IVD: variants seen among roughly 807,000 people sequenced by gnomAD.
IVD encodes isovaleryl-CoA dehydrogenase, also known as isovaleryl-CoA dehydrogenase, mitochondrial.
In IVD, 31 loss-of-function variants were observed where a neutral mutation model predicts 51.3. That is an observed-to-expected ratio of 0.60 (90% CI 0.45 to 0.81). The LOEUF (loss-of-function observed/expected upper bound fraction) is 0.81. Ranked by LOEUF, IVD falls within the 40% of genes least tolerant of loss-of-function variation. The probability of loss-of-function intolerance (pLI) is 0.00; values close to 1 mark genes in which losing one functional copy is unlikely to be tolerated. For synonymous variants in IVD, 205 were observed against 219.4 expected (o/e 0.93, Z 0.58); for missense variants, 475 against 552.0 (o/e 0.86, Z 1.40).
At chr15:40,417,984 CCA>C in intron 11 of IVD, 144 bp from the exon 12 acceptor site, 3 of 1,151,400 alleles carry the variant, frequency 2.6e-6, no homozygotes, top group East Asian at 2.6e-5. Context: ...AGTGTATTCC[CCA>C]CACCCCTCCC....
downstream of IVD, among the ~76,000 whole-genome samples, chr15:40,422,946 G>A (rs1892444588): frequency 6.6e-6 from 1 of 151,524 alleles, no homozygotes; most frequent in Non-Finnish European, 1.5e-5. Context: ...TTTTGAGACA[G>A]GATCTCACTC....
chr15:40,422,423 A>G (rs1185961701), downstream of IVD, among the ~76,000 whole-genome samples: 3 of 151,404 alleles, frequency 2.0e-5, no homozygotes, highest in African/African-American at 4.9e-5. Flanking sequence ...AGCTGGGACT[A>G]CAAGCGCCCG....
chr15:40,413,131 TC>T (rs1485991202), intron 7 of IVD, 44 bp downstream of exon 7: 3 of 1,455,020 alleles, frequency 2.1e-6, no homozygotes, highest in Non-Finnish European at 2.9e-6. Flanking sequence ...CTGACCCCCT[TC>T]CAGGCTGATC....
At position 40,418,342 on chromosome 15, in the gene IVD, G is replaced by A; in HGVS notation, c.*79G>A. 6.2e-7 allele frequency: 1 copy of A among 1,604,420 alleles called. No individual in the cohort carries two copies. The highest frequency in any genetic ancestry group is 8.5e-7 in the Non-Finnish European group (1 of 1,177,350). ...AGAGATGTGGCGGCTTTCCCACCCTGCCCACAGCAGGCCCTCCTGCCCAGC... is the reference window on the plus strand; with the variant it reads ...AGAGATGTGGCGGCTTTCCCACCCTACCCACAGCAGGCCCTCCTGCCCAGC... On this transcript the variant is annotated 3_prime_UTR_variant, in exon 12 of 12. Coordinates refer to ENST00000487418, the MANE Select transcript of IVD (RefSeq NM_002225.5).
At chr15:40,407,753 G>C (rs748959208) in intron 2 of IVD, 28 bp downstream of exon 2, 1 of 1,593,936 alleles carries the variant, frequency 6.3e-7, no homozygotes, top group Non-Finnish European at 8.6e-7. Context: ...GGCAGTCGGG[G>C]GCAGTCAGGG....
downstream of IVD, among the ~76,000 whole-genome samples, chr15:40,421,692 G>T (rs1307369802): frequency 1.3e-5 from 2 of 152,194 alleles, no homozygotes; most frequent in African/African-American, 2.4e-5. Flanking sequence ...CCTAAAGCAG[G>T]CTTCCCCAGG....
intron 8 of IVD, 43 bp from the exon 9 acceptor site, chr15:40,415,358 T>C: frequency 6.5e-7 from 1 of 1,535,728 alleles, no homozygotes; most frequent in South Asian, 1.1e-5. Context: ...CACCCGGTGG[T>C]GGGATGAGGA....
chr15:40,412,717 G>A, intron 6 of IVD: 2 of 447,220 alleles, frequency 4.5e-6, no homozygotes, highest in South Asian at 2.1e-5. Context: ...GGCCAGGGGG[G>A]TCGGGAGGGC....
Position 40,415,414 on chromosome 15 carries a change from G to C in IVD, c.892G>C (p.Val298Leu), listed in dbSNP as rs1375901638. ...AGGPLGLMQAVLDHTIPYLHV... is the reference protein window; with the variant it reads ...AGGPLGLMQALLDHTIPYLHV... ...CCTTTCTGACAGGCTCATGCAAGCG[G>C]TCCTGGACCACACCATTCCCTACCT... is the stretch of plus-strand genomic sequence containing the variant. Residue 298 changes from valine to leucine, a missense_variant, in exon 9 of 12, where the codon GTC becomes CTC. Coordinates refer to ENST00000487418, the MANE Select transcript of IVD (RefSeq NM_002225.5). 6.2e-7 allele frequency: 1 copy of C among 1,614,048 alleles called. No individual in the cohort carries two copies. Among genetic ancestry groups the C allele is most frequent in the Non-Finnish European group, 8.5e-7 (1 of 1,180,026 alleles).
chr15:40,423,228 T>C (rs12902310), downstream of IVD, among the ~76,000 whole-genome samples: 56,916 of 152,146 alleles, frequency 0.37, 12,140 homozygotes, highest in East Asian at 0.77. Flanking sequence ...GTTGAGCCAG[T>C]GTGCCCAGCC....
intron 3 of IVD, among the ~76,000 whole-genome samples, chr15:40,410,420 C>T (rs910597725): frequency 6.6e-6 from 1 of 152,234 alleles, no homozygotes; most frequent in African/African-American, 2.4e-5. Context: ...TTCTGAATCA[C>T]CCCTCAGCTG....
chr15:40,435,823 C>T (rs1037971349), downstream of IVD: 3 of 588,180 alleles, frequency 5.1e-6, no homozygotes, highest in Admixed American at 6.3e-5. Context: ...GCTCCGCTCT[C>T]GGCTTAGCCC....
chr15:40,411,829 C>A, intron 6 of IVD, 138 bp downstream of exon 6: 2 of 1,063,278 alleles, frequency 1.9e-6, no homozygotes, highest in East Asian at 2.6e-5. Context: ...AGGCAGAGAG[C>A]AGACTGCAAG....
chr15:40,406,022 C>T (rs1890367664), intron 1 of IVD, 51 bp downstream of exon 1: 1 of 1,528,318 alleles, frequency 6.5e-7, no homozygotes, highest in Non-Finnish European at 8.8e-7. Flanking sequence ...CCTGCCTGGT[C>T]CCCAAGGCCT....
At chr15:40,410,596 T>C (rs1377832576) in intron 3 of IVD, 32 bp from the exon 4 acceptor site, 1 of 1,613,684 alleles carries the variant, frequency 6.2e-7, no homozygotes, top group Non-Finnish European at 8.5e-7. Flanking sequence ...CTGGGCTGCG[T>C]TTTCCACTCC....
At chr15:40,406,956 C>G (rs1051162313) in intron 1 of IVD, among the ~76,000 whole-genome samples, 2 of 151,992 alleles carry the variant, frequency 1.3e-5, no homozygotes, top group African/African-American at 2.4e-5. Flanking sequence ...GTCCGCCTCC[C>G]GGGTTCAAGT....
chr15:40,425,494 T>G (rs1356148592), downstream of IVD, among the ~76,000 whole-genome samples: 1 of 149,512 alleles, frequency 6.7e-6, no homozygotes, highest in Non-Finnish European at 1.5e-5. Flanking sequence ...TTTTGGCTCA[T>G]CATTGTATAG....
At chr15:40,416,262 C>T (rs1192819768) in intron 10 of IVD, 28 bp from the exon 11 acceptor site, 2 of 1,613,296 alleles carry the variant, frequency 1.2e-6, no homozygotes, top group Admixed American at 1.7e-5. Context: ...CCTCGCAGGG[C>T]CCTGCTGACC....
chr15:40,418,176 A>T lies in IVD; in HGVS notation c.1185A>T (p.Arg395=). 1 of 1,614,166 alleles carries T rather than the reference A, an allele frequency of 6.2e-7. No individual in the cohort carries two copies. Among genetic ancestry groups the T allele is most frequent in the African/African-American group, 1.3e-5 (1 of 75,040 alleles). The change falls in exon 12 of 12, where the codon CGA becomes CGT. Residue 395 remains arginine (R), a synonymous_variant. Transcript: ENST00000487418. ...ACTTTCCCATGGGCCGCTTTCTTCG[A>T]GATGCCAAGCTGTATGAGATAGGGG... is the stretch of plus-strand genomic sequence containing the variant. ...INDFPMGRFL[R]DAKLYEIGAG... is the part of the protein sequence containing the mutation.
Sources: gnomAD v4.1 joint callset for allele counts (sites outside exome capture counted in the v4.1 genomes callset) on GRCh38, gnomAD v4.1.1 for gene constraint, MANE v1.5 for transcripts, NCBI Gene and HGNC (gene_info 2026-07-23, HGNC 2026-07-21) for gene names.